Variants in NCAM2 observed in about 807,000 individuals in gnomAD.
NCAM2 encodes N-CAM-2.
NCAM2 carries 30 observed loss-of-function variants against 98.1 expected under a neutral mutation model. The ratio of observed to expected loss-of-function variants is 0.31; its 90% CI spans 0.23 to 0.41. The LOEUF (loss-of-function observed/expected upper bound fraction) is 0.41, where lower values mean the gene tolerates loss of function less well. Ranked by LOEUF, NCAM2 falls within the 10% of genes least tolerant of loss-of-function variation. The probability of loss-of-function intolerance (pLI) is 1.00; values close to 1 mark genes in which losing one functional copy is unlikely to be tolerated. For missense variants in NCAM2, 867 were observed against 1,005.8 expected (o/e 0.86, Z 1.87); for synonymous variants, 368 against 342.4 (o/e 1.07, Z -0.83).
At chr21:21,253,302 T>C (rs574560668) in intron 1 of NCAM2, among the ~76,000 whole-genome samples, 1 of 152,344 alleles carries the variant, frequency 6.6e-6, no homozygotes, top group South Asian at 2.1e-4. Context: ...GAACAATTCC[T>C]CCTTTACATG....
At chr21:21,474,920 C>T (rs1460095) in intron 14 of NCAM2, among the ~76,000 whole-genome samples, 70,242 of 151,178 alleles carry the variant, frequency 0.46, 17,381 homozygotes, top group Non-Finnish European at 0.55. Flanking sequence ...ATACATTTAA[C>T]ATATCATCTC....
At chr21:21,094,839 C>T (rs560275491) in intron 1 of NCAM2, among the ~76,000 whole-genome samples, 3 of 151,740 alleles carry the variant, frequency 2.0e-5, no homozygotes, top group Admixed American at 6.6e-5. Flanking sequence ...TTGAATTAAA[C>T]ATTTCTAATT....
chr21:21,059,587 C>G (rs186635403), intron 1 of NCAM2, among the ~76,000 whole-genome samples: 172 of 152,214 alleles, frequency 1.1e-3, no homozygotes, highest in African/African-American at 3.9e-3. Context: ...ATCTAGACTT[C>G]ATCTTTTACA....
At chr21:21,059,764 G>A (rs1212816613) in intron 1 of NCAM2, among the ~76,000 whole-genome samples, 1 of 151,952 alleles carries the variant, frequency 6.6e-6, no homozygotes, top group Non-Finnish European at 1.5e-5. Flanking sequence ...AGACATTTTT[G>A]GTTGCCACAC....
chr21:21,185,159 C>A (rs188240820), intron 1 of NCAM2, among the ~76,000 whole-genome samples: 1 of 152,136 alleles, frequency 6.6e-6, no homozygotes, highest in Non-Finnish European at 1.5e-5. Context: ...CACACTCTTA[C>A]AAAAACCGAT....
intron 1 of NCAM2, among the ~76,000 whole-genome samples, chr21:21,143,238 A>C (rs1422877440): frequency 1.3e-5 from 2 of 152,134 alleles, no homozygotes; most frequent in Non-Finnish European, 2.9e-5. Flanking sequence ...GATGTGAGAA[A>C]ATGGTATTTT....
At chr21:21,302,147 A>G (rs2073734082) in intron 5 of NCAM2, among the ~76,000 whole-genome samples, 1 of 150,686 alleles carries the variant, frequency 6.6e-6, no homozygotes, top group African/African-American at 2.5e-5. Flanking sequence ...ATGCTGCTAT[A>G]AAGACACATG....
At chr21:21,232,054 T>G (rs749872122) in intron 1 of NCAM2, among the ~76,000 whole-genome samples, 5 of 151,414 alleles carry the variant, frequency 3.3e-5, no homozygotes, top group Non-Finnish European at 7.4e-5. Context: ...CACCTCACTC[T>G]TAAAGATAAT....
At chr21:21,184,729 C>T (rs1389954082) in intron 1 of NCAM2, among the ~76,000 whole-genome samples, 2 of 152,024 alleles carry the variant, frequency 1.3e-5, no homozygotes, top group East Asian at 3.8e-4. Context: ...CTAGTAAATA[C>T]CTAGAGTATT....
intron 16 of NCAM2, among the ~76,000 whole-genome samples, chr21:21,523,366 G>A (rs977202943): frequency 2.0e-5 from 3 of 151,086 alleles, no homozygotes; most frequent in Non-Finnish European, 4.4e-5. Flanking sequence ...TGATTTTTGT[G>A]TATGGTGAGA....
At chr21:21,141,168 A>G (rs2067160825) in intron 1 of NCAM2, among the ~76,000 whole-genome samples, 1 of 152,186 alleles carries the variant, frequency 6.6e-6, no homozygotes, top group African/African-American at 2.4e-5. Flanking sequence ...ACTTTTGTAA[A>G]AATGGTTTTC....
intron 1 of NCAM2, among the ~76,000 whole-genome samples, chr21:21,157,895 G>A (rs2067663481): frequency 6.6e-6 from 1 of 152,112 alleles, no homozygotes; most frequent in Admixed American, 6.6e-5. Flanking sequence ...CAGAAATGTA[G>A]AGCCTAGTTA....
At chr21:21,170,440 T>A (rs2068085318) in intron 1 of NCAM2, among the ~76,000 whole-genome samples, 1 of 152,170 alleles carries the variant, frequency 6.6e-6, no homozygotes, top group East Asian at 1.9e-4. Flanking sequence ...GAAACTTAAG[T>A]GCATATTACC....
At chr21:21,302,462 G>A (rs538994387) in intron 5 of NCAM2, among the ~76,000 whole-genome samples, 1 of 152,122 alleles carries the variant, frequency 6.6e-6, no homozygotes, top group Non-Finnish European at 1.5e-5. Context: ...ATTGAACTAT[G>A]TGTCTGTTTT....
rs58162973 is a variant in NCAM2, at chr21:21,200,751, ATTTTTTT to A, written c.56-79813_56-79807del. Among the ~76,000 whole-genome samples the A allele has an allele frequency of 4.3e-3, 470 of 108,672 alleles. 7 individuals carry two copies. Among genetic ancestry groups the A allele is most frequent in the African/African-American group, 0.015 (448 of 29,428 alleles). 71.3% of individuals were successfully genotyped at this position (108,672 alleles called of 152,430 possible). ...TAGGTCTAAATTAATGGGGCCCTTC[ATTTTTTT>A]TTTTTTTTTTTTTGAAGTGTCAACC... On this transcript the variant is annotated intron_variant, in intron 1 of 17. Transcript: ENST00000400546.
intron 11 of NCAM2, among the ~76,000 whole-genome samples, chr21:21,427,194 A>C (rs774735074): frequency 6.6e-6 from 1 of 151,892 alleles, no homozygotes; most frequent in Non-Finnish European, 1.5e-5. Context: ...AAAGAAGAGT[A>C]TGTTTCCTGA....
At chr21:21,074,623 G>A (rs1303341697) in intron 1 of NCAM2, among the ~76,000 whole-genome samples, 1 of 152,118 alleles carries the variant, frequency 6.6e-6, no homozygotes, top group Non-Finnish European at 1.5e-5. Flanking sequence ...TATGGGAGTC[G>A]GGTTTGGCAG....
chr21:21,514,558 C>T (rs952192314), intron 16 of NCAM2, among the ~76,000 whole-genome samples: 6 of 150,280 alleles, frequency 4.0e-5, no homozygotes, highest in Admixed American at 6.6e-5. Context: ...TAATTTGTCT[C>T]TTGTCTTATT....
chr21:21,348,434 GA>G (rs1416174252), intron 8 of NCAM2, among the ~76,000 whole-genome samples: 7 of 152,042 alleles, frequency 4.6e-5, no homozygotes, highest in Middle Eastern at 3.4e-3. Flanking sequence ...AAACACTGAT[GA>G]AAAAAATTTA....
Sources: allele counts gnomAD v4.1 joint callset (sites outside exome capture counted in the v4.1 genomes callset), GRCh38; gene constraint gnomAD v4.1.1; transcripts MANE v1.5; gene names NCBI Gene and HGNC (gene_info 2026-07-23, HGNC 2026-07-21).